Variants in TPD52L1 observed in about 807,000 individuals in gnomAD.
TPD52L1 encodes tumor protein D53.
In TPD52L1, 18 loss-of-function variants were observed where a neutral mutation model predicts 28.7. The observed-to-expected ratio is 0.63, with a 90% CI of 0.43 to 0.93. The LOEUF (loss-of-function observed/expected upper bound fraction) is 0.93, where lower values mean the gene tolerates loss of function less well. Among genes scored for constraint, TPD52L1 ranks in the 40% least tolerant of loss-of-function variants. The probability of loss-of-function intolerance (pLI) is 0.00; values close to 1 mark genes in which losing one functional copy is unlikely to be tolerated. For synonymous variants in TPD52L1, 75 were observed against 88.8 expected (o/e 0.84, Z 0.88); for missense variants, 203 against 254.8 (o/e 0.80, Z 1.39).
chr6:125,251,402 C>A (rs1338053820), intron 4 of TPD52L1, among the ~76,000 whole-genome samples: 1 of 151,648 alleles, frequency 6.6e-6, no homozygotes, highest in Non-Finnish European at 1.5e-5. Context: ...TAAAATAACT[C>A]CAAATTAATA....
intron 1 of TPD52L1, among the ~76,000 whole-genome samples, chr6:125,217,143 G>A (rs1053342555): frequency 2.0e-5 from 3 of 152,150 alleles, no homozygotes; most frequent in Non-Finnish European, 2.9e-5. Context: ...CATTGATCCT[G>A]TAAGAGTTCC....
chr6:125,235,125 T>TAATAATAATAATAAG (rs1796183992), intron 3 of TPD52L1, among the ~76,000 whole-genome samples: 1 of 149,928 alleles, frequency 6.7e-6, no homozygotes, highest in Non-Finnish European at 1.5e-5. Flanking sequence ...ATAATAATAA[T>TAATAATAATAATAAG]AATAATAAAA....
intron 1 of TPD52L1, among the ~76,000 whole-genome samples, chr6:125,208,433 C>T (rs141645075): frequency 6.6e-6 from 1 of 152,320 alleles, no homozygotes; most frequent in Non-Finnish European, 1.5e-5. Context: ...GTGCAAGCAA[C>T]TCTTCCTATA....
At chr6:125,222,177 A>T (rs1795285213) in intron 2 of TPD52L1, among the ~76,000 whole-genome samples, 1 of 152,156 alleles carries the variant, frequency 6.6e-6, no homozygotes, top group Non-Finnish European at 1.5e-5. Flanking sequence ...ATGCATTCGG[A>T]TTTTACCTTC....
At chr6:125,212,517 G>A (rs1363778601) in intron 1 of TPD52L1, among the ~76,000 whole-genome samples, 1 of 152,236 alleles carries the variant, frequency 6.6e-6, no homozygotes, top group Non-Finnish European at 1.5e-5. Flanking sequence ...GCCAGCATGC[G>A]CTGGAAGTGT....
chr6:125,156,321 C>T (rs922209058), intron 1 of TPD52L1, among the ~76,000 whole-genome samples: 2 of 151,686 alleles, frequency 1.3e-5, no homozygotes, highest in African/African-American at 4.8e-5. Context: ...ACAGAATTAG[C>T]TGAGTGTGGT....
intron 2 of TPD52L1, 151 bp downstream of exon 2, chr6:125,220,344 A>G (rs554622379): frequency 1.7e-6 from 1 of 592,166 alleles, no homozygotes; most frequent in Non-Finnish European, 2.9e-6. Context: ...AAGATGATTC[A>G]TTTTTCCAGG....
intron 1 of TPD52L1, chr6:125,154,606 C>A: frequency 2.2e-6 from 2 of 902,490 alleles, no homozygotes; most frequent in Non-Finnish European, 2.7e-6. Context: ...CCGCCCAGCT[C>A]CCTGCTCCCG....
intron 1 of TPD52L1, among the ~76,000 whole-genome samples, chr6:125,195,118 A>G (rs986120687): frequency 6.6e-6 from 1 of 152,236 alleles, no homozygotes; most frequent in Non-Finnish European, 1.5e-5. Context: ...GATACATATA[A>G]CATTTGTTAC....
chr6:125,224,958 C>T (rs1795510714), intron 2 of TPD52L1, among the ~76,000 whole-genome samples: 1 of 152,150 alleles, frequency 6.6e-6, no homozygotes, highest in Non-Finnish European at 1.5e-5. Flanking sequence ...TGTTGTGTAA[C>T]CACCACATCT....
chr6:125,247,548 G>A (rs1194120383), intron 3 of TPD52L1, among the ~76,000 whole-genome samples: 1 of 152,066 alleles, frequency 6.6e-6, no homozygotes, highest in Non-Finnish European at 1.5e-5. Flanking sequence ...TCCCAGTTCA[G>A]AGTCACAAAA....
rs1049714995 is a variant in TPD52L1 at position 125,171,285 on chromosome 6, T to C, written c.19+17315T>C. On this transcript the variant is annotated intron_variant, in intron 1 of 6. Coordinates refer to ENST00000534000, the MANE Select transcript of TPD52L1 (RefSeq NM_003287.4). ...CACTCAACAGACTAGGTTATCCACA[T>C]ACATGTGCATAAGGCGCCTATCAAT... is the stretch of plus-strand genomic sequence containing the variant. Among the ~76,000 whole-genome samples, 2 of 152,282 alleles carry C rather than the reference T, an allele frequency of 1.3e-5. 1 individual carries two copies. Among genetic ancestry groups the C allele is most frequent in the Admixed American group, 1.3e-4 (2 of 15,296 alleles).
intron 3 of TPD52L1, among the ~76,000 whole-genome samples, chr6:125,235,097 A>G (rs931078919): frequency 7.8e-6 from 1 of 127,676 alleles, no homozygotes; most frequent in Non-Finnish European, 1.5e-5. Flanking sequence ...CTGTCTACAA[A>G]TAACAATAAT....
intron 1 of TPD52L1, among the ~76,000 whole-genome samples, chr6:125,165,945 T>G (rs1790874195): frequency 6.6e-6 from 1 of 152,208 alleles, no homozygotes; most frequent in Admixed American, 6.5e-5. Context: ...TATTTTAAAA[T>G]AAATAAGTCA....
chr6:125,246,375 C>T (rs181417481), intron 3 of TPD52L1, among the ~76,000 whole-genome samples: 189 of 152,224 alleles, frequency 1.2e-3, no homozygotes, highest in African/African-American at 4.0e-3. Context: ...TGAATTCTTT[C>T]GGTGTTCCTG....
At chr6:125,203,917 C>A in intron 1 of TPD52L1, 1 of 463,808 alleles carries the variant, frequency 2.2e-6, no homozygotes, top group Non-Finnish European at 2.8e-6. Context: ...CTGTCTTTTA[C>A]TGATATATTC....
At chr6:125,241,871 T>C (rs1796633001) in intron 3 of TPD52L1, among the ~76,000 whole-genome samples, 1 of 151,478 alleles carries the variant, frequency 6.6e-6, no homozygotes, top group African/African-American at 2.4e-5. Context: ...TGGGTTTGGG[T>C]TTGGTTTGCT....
rs529667585 is a variant in TPD52L1 at position 125,235,602 on chromosome 6, A to C, written c.284+6336A>C. Among the ~76,000 whole-genome samples, 4 of 152,216 alleles carry C rather than the reference A, an allele frequency of 2.6e-5. No individual in the cohort carries two copies. In the South Asian group the frequency reaches 8.3e-4, roughly 32 times the overall value. ...TTAAGTACTTGGAGCCCAATGGCCT[A>C]TTTCTCATGGGGTCTCTGATTACTT... On this transcript the variant is annotated intron_variant, in intron 3 of 6. Transcript: ENST00000534000.
chr6:125,250,560 C>A (rs1274048374), intron 4 of TPD52L1, among the ~76,000 whole-genome samples: 1 of 152,178 alleles, frequency 6.6e-6, no homozygotes, highest in African/African-American at 2.4e-5. Flanking sequence ...TACAAGATGG[C>A]CCCACATGGT....
Sources: gnomAD v4.1 joint callset for allele counts (sites outside exome capture counted in the v4.1 genomes callset) on GRCh38, gnomAD v4.1.1 for gene constraint, MANE v1.5 for transcripts, NCBI Gene and HGNC (gene_info 2026-07-23, HGNC 2026-07-21) for gene names.